Variants in CALB2 observed in about 807,000 individuals in gnomAD.
CALB2 encodes the protein calretinin.
A neutral mutation model predicts 45.9 loss-of-function variants in CALB2; 34 were observed. That is an observed-to-expected ratio of 0.74 (90% CI 0.56 to 0.99). The LOEUF (loss-of-function observed/expected upper bound fraction) is 0.99, where lower values mean the gene tolerates loss of function less well. Among genes scored for constraint, CALB2 ranks in the 50% least tolerant of loss-of-function variants. The pLI, the probability that CALB2 is intolerant of heterozygous loss-of-function variation, is 0.00. For missense variants in CALB2, 344 were observed against 339.3 expected (o/e 1.01, Z -0.11); for synonymous variants, 142 against 129.6 (o/e 1.10, Z -0.65).
intron 3 of CALB2, 81 bp from the exon 4 acceptor site, chr16:71,377,586 C>T (rs2042431734): frequency 3.1e-6 from 3 of 956,978 alleles, no homozygotes; most frequent in African/African-American, 1.6e-5. Context: ...CTGGCCCTTT[C>T]CATCCTTCTT....
chr16:71,362,785 A>G (rs1169595659), intron 1 of CALB2, among the ~76,000 whole-genome samples: 3 of 152,244 alleles, frequency 2.0e-5, no homozygotes, highest in Non-Finnish European at 2.9e-5. Context: ...GGATGAGCCA[A>G]ATGAAAGGGG....
chr16:71,386,853 C>T (rs2042576616), intron 10 of CALB2, among the ~76,000 whole-genome samples: 1 of 152,182 alleles, frequency 6.6e-6, no homozygotes, highest in Non-Finnish European at 1.5e-5. Context: ...AAATATCATC[C>T]TTCATTTATT....
chr16:71,370,191 G>A (rs528161279), intron 1 of CALB2, among the ~76,000 whole-genome samples: 3 of 152,144 alleles, frequency 2.0e-5, no homozygotes, highest in Non-Finnish European at 4.4e-5. Context: ...TTCTTCACTC[G>A]AGAGTGCCTC....
At chr16:71,382,047 G>GAGGAGT (rs2042499698) in intron 4 of CALB2, among the ~76,000 whole-genome samples, 2 of 124,522 alleles carry the variant, frequency 1.6e-5, no homozygotes, top group Non-Finnish European at 3.4e-5. Context: ...GGAGGAGTAG[G>GAGGAGT]AGGAGGAGGA....
chr16:71,368,809 G>T (rs375054855), intron 1 of CALB2, among the ~76,000 whole-genome samples: 1 of 152,178 alleles, frequency 6.6e-6, no homozygotes, highest in Non-Finnish European at 1.5e-5. Context: ...CGGCAAAAGC[G>T]CTTTGAAAAG....
intron 1 of CALB2, among the ~76,000 whole-genome samples, chr16:71,364,303 C>G (rs1433636609): frequency 6.8e-6 from 1 of 148,086 alleles, no homozygotes; most frequent in Non-Finnish European, 1.5e-5. Context: ...GCCAGGCCGG[C>G]TGTCCCTGCC....
At chr16:71,374,650 AC>A in intron 2 of CALB2, 94 bp from the exon 3 acceptor site, 1 of 827,068 alleles carries the variant, frequency 1.2e-6, no homozygotes, top group Non-Finnish European at 2.1e-6. Flanking sequence ...GCACCCACTT[AC>A]CCAGGATGCA....
intron 2 of CALB2, among the ~76,000 whole-genome samples, 178 bp from the exon 3 acceptor site, chr16:71,374,567 T>C (rs1045944552): frequency 3.9e-5 from 6 of 152,102 alleles, no homozygotes; most frequent in Non-Finnish European, 7.4e-5. Context: ...AAGAGATGAC[T>C]TAATTTGAAG....
intron 4 of CALB2, 41 bp downstream of exon 4, chr16:71,377,788 T>A: frequency 6.8e-7 from 1 of 1,463,752 alleles, no homozygotes; most frequent in Non-Finnish European, 9.6e-7. Context: ...CACTGGGACC[T>A]GCCTTCCTCC....
chr16:71,388,012 G>T (rs2042589486), intron 10 of CALB2, among the ~76,000 whole-genome samples: 1 of 152,130 alleles, frequency 6.6e-6, no homozygotes, highest in Non-Finnish European at 1.5e-5. Flanking sequence ...GAAATCATTA[G>T]ACTTCAGGGC....
At chr16:71,368,540 CAAAT>C (rs151248373) in intron 1 of CALB2, among the ~76,000 whole-genome samples, 48 of 150,838 alleles carry the variant, frequency 3.2e-4, no homozygotes, top group African/African-American at 1.1e-3. Context: ...AAAAATTCCT[CAAAT>C]GAATGAATGA....
intron 1 of CALB2, among the ~76,000 whole-genome samples, chr16:71,364,445 C>T (rs1436906993): frequency 6.6e-6 from 1 of 152,228 alleles, no homozygotes; most frequent in African/African-American, 2.4e-5. Flanking sequence ...ATTAATAGAG[C>T]AGGCCTGAGG....
chr16:71,386,430 C>A (rs915368713), intron 10 of CALB2, among the ~76,000 whole-genome samples: 76 of 152,208 alleles, frequency 5.0e-4, no homozygotes, highest in Non-Finnish European at 8.8e-5. Flanking sequence ...TGATGAACTG[C>A]AGAATCGGGA....
intron 1 of CALB2, among the ~76,000 whole-genome samples, chr16:71,362,024 G>A (rs758851899): frequency 2.6e-5 from 4 of 152,222 alleles, no homozygotes; most frequent in African/African-American, 4.8e-5. Flanking sequence ...TAGGGAAGAT[G>A]ACAGCCAAGC....
At chr16:71,379,040 G>A (rs1284755424) in intron 4 of CALB2, among the ~76,000 whole-genome samples, 2 of 152,152 alleles carry the variant, frequency 1.3e-5, no homozygotes, top group Admixed American at 6.5e-5. Flanking sequence ...ACTTTGGGAG[G>A]CCAAGGCAGG....
intron 1 of CALB2, among the ~76,000 whole-genome samples, chr16:71,361,163 T>C (rs1490897484): frequency 6.6e-6 from 1 of 152,104 alleles, no homozygotes; most frequent in Non-Finnish European, 1.5e-5. Context: ...TTCTTCCTTG[T>C]CCATCAGACT....
Position 71,383,351 on chromosome 16 carries a change from G to A in CALB2, c.400-16G>A, listed in dbSNP as rs371201286. ...TGCACGAGTCAGGAGTACTAAAGAG[G>A]CCTTTTGTGTTGCAGGGATTCCTGT... On this transcript the variant is annotated splice_polypyrimidine_tract_variant and intron_variant, in intron 5 of 10. Coordinates refer to ENST00000302628, the MANE Select transcript of CALB2 (RefSeq NM_001740.5). 44 of 1,611,694 alleles carry A rather than the reference G, an allele frequency of 2.7e-5. No homozygotes were observed. Among genetic ancestry groups the A allele is most frequent in the Admixed American group, 3.3e-5 (2 of 59,964 alleles).
chr16:71,385,830 TTGA>T (rs2042565277), intron 10 of CALB2, among the ~76,000 whole-genome samples, 182 bp downstream of exon 10: 1 of 152,206 alleles, frequency 6.6e-6, no homozygotes, highest in Non-Finnish European at 1.5e-5. Context: ...GGTTGATTAA[TTGA>T]TGTTTCTTTT....
intron 10 of CALB2, among the ~76,000 whole-genome samples, chr16:71,385,993 A>C (rs2042566801): frequency 6.6e-6 from 1 of 152,144 alleles, no homozygotes; most frequent in Non-Finnish European, 1.5e-5. Flanking sequence ...TACCCATTAA[A>C]AAATAACTCT....
Sources: allele counts gnomAD v4.1 joint callset (sites outside exome capture counted in the v4.1 genomes callset), GRCh38; gene constraint gnomAD v4.1.1; transcripts MANE v1.5; gene names NCBI Gene and HGNC (gene_info 2026-07-23, HGNC 2026-07-21).